ASPM: variants seen among roughly 807,000 people sequenced by gnomAD.
ASPM encodes the protein abnormal spindle-like microcephaly-associated protein.
ASPM carries 256 observed loss-of-function variants against 366.4 expected under a neutral mutation model. That is an observed-to-expected ratio of 0.70 (90% CI 0.63 to 0.77). The LOEUF (loss-of-function observed/expected upper bound fraction) is 0.77. Among genes scored for constraint, ASPM ranks in the 30% least tolerant of loss-of-function variants. The probability of loss-of-function intolerance (pLI) is 0.00; values close to 1 mark genes in which losing one functional copy is unlikely to be tolerated. For missense variants in ASPM, 4,146 were observed against 4,090.4 expected (o/e 1.01, Z -0.37); for synonymous variants, 1,414 against 1,342.9 (o/e 1.05, Z -1.16).
chr1:197,118,693 C>A (rs1261121618), intron 16 of ASPM, among the ~76,000 whole-genome samples: 1 of 152,106 alleles, frequency 6.6e-6, no homozygotes, highest in Non-Finnish European at 1.5e-5. Flanking sequence ...ATCTCACAAC[C>A]ACCACCATAA....
chr1:197,133,014 A>C (rs530106666), intron 6 of ASPM, among the ~76,000 whole-genome samples: 2 of 152,252 alleles, frequency 1.3e-5, no homozygotes, highest in African/African-American at 4.8e-5. Context: ...ATAAAGTCTC[A>C]GTTACGCAGG....
Position 197,084,310 on chromosome 1 carries a change from A to G in ASPM, c.*14T>C, listed in dbSNP as rs1656517791. 1 of 1,569,742 alleles carries G rather than the reference A, an allele frequency of 6.4e-7. No individual in the cohort carries two copies. Among genetic ancestry groups the G allele is most frequent in the Admixed American group, 1.7e-5 (1 of 59,898 alleles). ...ATTTCTTTACACTATACATACTGAA[A>G]ATGTTTACATTTACTAATAAGGAAT... is the stretch of plus-strand genomic sequence containing the variant. On this transcript the variant is annotated 3_prime_UTR_variant, in exon 28 of 28. Coordinates refer to ENST00000367409, the MANE Select transcript of ASPM (RefSeq NM_018136.5).
chr1:197,096,141 G>A lies in ASPM; in HGVS notation c.8844C>T (p.Ala2948=). Residue 2948 remains alanine (A), a synonymous_variant, in exon 19 of 28, where the codon GCC becomes GCT. Coordinates refer to ENST00000367409, the MANE Select transcript of ASPM (RefSeq NM_018136.5). ...CTTTCACTTTACATAAATATTTCTT[G>A]GCTCTATATCTCCTCCACATAGCCT... is the stretch of plus-strand genomic sequence containing the variant. ...KIQAMWRRYR[A]KKYLCKVKAA... The A allele has an allele frequency of 6.2e-7, 1 of 1,607,422 alleles. No homozygotes were observed. The highest frequency in any genetic ancestry group is 2.2e-5 in the East Asian group (1 of 44,732).
intron 17 of ASPM, among the ~76,000 whole-genome samples, chr1:197,113,261 A>C (rs1657640602): frequency 6.6e-6 from 1 of 152,186 alleles, no homozygotes; most frequent in South Asian, 2.1e-4. Flanking sequence ...ATCAGGTACT[A>C]TGCTCAATAC....
chr1:197,136,191 T>A (rs1292988562), intron 4 of ASPM, among the ~76,000 whole-genome samples: 2 of 152,178 alleles, frequency 1.3e-5, no homozygotes, highest in African/African-American at 2.4e-5. Context: ...AGATTTTTTT[T>A]AAAGCTGAAA....
At chr1:197,125,294 G>A (rs1380337791) in intron 10 of ASPM, 103 bp from the exon 11 acceptor site, 6 of 1,382,590 alleles carry the variant, frequency 4.3e-6, no homozygotes, top group African/African-American at 1.4e-5. Flanking sequence ...AACAGTTACA[G>A]GGCTTTATGA....
intron 26 of ASPM, among the ~76,000 whole-genome samples, 171 bp from the exon 27 acceptor site, chr1:197,087,143 T>C (rs1018905067): frequency 6.6e-6 from 1 of 152,102 alleles, no homozygotes; most frequent in Admixed American, 6.6e-5. Flanking sequence ...GGTGCGATCT[T>C]AGCTCAATGC....
rs1374568386 is a variant in ASPM at position 197,103,919 on chromosome 1, T to C, written c.5332A>G (p.Ile1778Val). 1 of 1,612,814 alleles carries C rather than the reference T, an allele frequency of 6.2e-7. No individual in the cohort carries two copies. The highest frequency in any genetic ancestry group is 2.2e-5 in the East Asian group (1 of 44,810). Residue 1778 changes from isoleucine (I) to valine (V), a missense_variant, in exon 18 of 28, where the codon ATT becomes GTT. By Grantham distance (29) the Ile-to-Val change is conservative. Coordinates refer to ENST00000367409, the MANE Select transcript of ASPM (RefSeq NM_018136.5). Reference sequence around the variant, plus strand: ...TGATAGTAATTCTGAATGACAATAATTGCTTTATACATTTTCAGATAATAC... The same window carrying C: ...TGATAGTAATTCTGAATGACAATAACTGCTTTATACATTTTCAGATAATAC... The part of the protein sequence containing the change: ...RQYYLKMYKA[I>V]IVIQNYYHAY...
At position 197,090,313 on chromosome 1, in the gene ASPM, C is replaced by T; in HGVS notation, c.9712G>A (p.Val3238Ile). 1 of 1,612,976 alleles carries T rather than the reference C, an allele frequency of 6.2e-7. No homozygotes were observed. The highest frequency in any genetic ancestry group is 8.5e-7 in the Non-Finnish European group (1 of 1,179,338). Residue 3238 changes from valine to isoleucine, a missense_variant, in exon 24 of 28, where the codon GTT (valine) becomes ATT (isoleucine). By Grantham distance (29) the Val-to-Ile change is conservative. Around this residue, in one of 3 missense-constraint regions of ASPM, gnomAD observed 3,624 missense variants for 3,591.7 expected, o/e 1.01. Coordinates refer to ENST00000367409, the MANE Select transcript of ASPM (RefSeq NM_018136.5). ...KIKAIRLSLQ[V>I]VNREIREENK... ...TCTTCTCGAATCTCCCTATTAACAA[C>T]TTGAAGACTTAGTCGTATAGCTTTA...
intron 4 of ASPM, 109 bp downstream of exon 4, chr1:197,139,658 T>C (rs912153646): frequency 1.1e-6 from 1 of 904,698 alleles, no homozygotes; most frequent in African/African-American, 1.6e-5. Flanking sequence ...TTAACAATTC[T>C]TCCAGGCTGT....
At position 197,133,384 on chromosome 1, in the gene ASPM, A is replaced by G. The variant is rs1382293195; in HGVS notation, c.2385T>C (p.Ile795=). The G allele has an allele frequency of 6.2e-7, 1 of 1,613,992 alleles. No homozygotes were observed. The highest frequency in any genetic ancestry group is 1.7e-5 in the Admixed American group (1 of 60,008). ...LEIEIEARRL[I]VRKDRHLWKD... is the part of the protein sequence containing the mutation. Reference sequence around the variant, plus strand: ...TCCATAGGTGTCTATCTTTTCGAACAATTAACCGCCTAGCTTCAATTTCAA... The same window carrying G: ...TCCATAGGTGTCTATCTTTTCGAACGATTAACCGCCTAGCTTCAATTTCAA... Residue 795 remains isoleucine, a synonymous_variant, in exon 6 of 28, where the codon ATT becomes ATC. Coordinates refer to ENST00000367409, the MANE Select transcript of ASPM (RefSeq NM_018136.5).
chr1:197,138,707 G>A, intron 4 of ASPM: 1 of 655,686 alleles, frequency 1.5e-6, no homozygotes, highest in Admixed American at 2.3e-5. Flanking sequence ...AAGCTGGGAT[G>A]TGAATGATAG....
intron 4 of ASPM, among the ~76,000 whole-genome samples, chr1:197,138,597 T>C (rs1658487571): frequency 6.6e-6 from 1 of 152,180 alleles, no homozygotes; most frequent in Non-Finnish European, 1.5e-5. Flanking sequence ...CACGCCCCAC[T>C]AGGAGTTCAC....
chr1:197,145,441 T>C (rs1481151637), intron 1 of ASPM, among the ~76,000 whole-genome samples: 1 of 152,164 alleles, frequency 6.6e-6, no homozygotes, highest in Non-Finnish European at 1.5e-5. Context: ...GCATACATAC[T>C]ACACGTATAT....
Position 197,121,977 on chromosome 1 carries a change from C to G in ASPM, c.3808G>C (p.Ala1270Pro). ...CTCCATGTTGTTTGTATGAGTCGAG[C>G]AGCTCTTATTTCTTTACGAAGATCC... ...LLDLRKEIRA[A>P]RLIQTTWRKY... Residue 1270 changes from alanine (A) to proline (P), a missense_variant, in exon 16 of 28, where the codon GCT becomes CCT. By Grantham distance (27) the Ala-to-Pro change is conservative. Transcript: ENST00000367409. The G allele has an allele frequency of 6.2e-7, 1 of 1,611,158 alleles. No individual in the cohort carries two copies. The highest frequency in any genetic ancestry group is 8.5e-7 in the Non-Finnish European group (1 of 1,177,722).
intron 16 of ASPM, among the ~76,000 whole-genome samples, chr1:197,121,630 C>T (rs887620160): frequency 4.6e-5 from 7 of 152,062 alleles, no homozygotes; most frequent in African/African-American, 1.4e-4. Flanking sequence ...TCAATGTGAG[C>T]TATGTATTCC....
chr1:197,101,346 A>G lies in ASPM; in HGVS notation c.7905T>C (p.Cys2635=). Residue 2635 remains cysteine (C), a synonymous_variant, in exon 18 of 28, where the codon TGT becomes TGC. Transcript: ENST00000367409. ...HQAAIIIQKH[C]KAFKIRKHYL... ...AATGCTTCCTTATTTTAAAGGCTTT[A>G]CAATGCTTCTGAATAATAATGGCAG... 2 of 1,611,034 alleles carry G rather than the reference A, an allele frequency of 1.2e-6. No homozygotes were observed. Among genetic ancestry groups the G allele is most frequent in the Non-Finnish European group, 1.7e-6 (2 of 1,178,980 alleles).
rs1326343851 is a variant in ASPM, at chr1:197,089,913, A to C, written c.9984+17T>G. On this transcript the variant is annotated intron_variant, in intron 25 of 27. Transcript: ENST00000367409. The stretch of plus-strand genomic sequence containing the variant: ...TTGTTGACCAGTGAATATCTCATTA[A>C]TAAAATGAAAAACTACCTTAGATAC... 6.2e-7 allele frequency: 1 copy of C among 1,610,014 alleles called. No individual in the cohort carries two copies. The highest frequency in any genetic ancestry group is 1.1e-5 in the South Asian group (1 of 90,942).
chr1:197,138,943 C>A, intron 4 of ASPM: 1 of 764,050 alleles, frequency 1.3e-6, no homozygotes, highest in Non-Finnish European at 2.4e-6. Flanking sequence ...TTTTCAGCTT[C>A]TTTCTCCTTG....
Sources: allele counts gnomAD v4.1 joint callset (sites outside exome capture counted in the v4.1 genomes callset), GRCh38; gene constraint gnomAD v4.1.1; regional missense constraint gnomAD v4.1.1; transcripts MANE v1.5; gene names NCBI Gene and HGNC (gene_info 2026-07-23, HGNC 2026-07-21).